RALYL: variants seen among roughly 807,000 people sequenced by gnomAD.
RALYL encodes RNA-binding Raly-like protein.
Under a neutral mutation model 35.1 loss-of-function variants are expected in RALYL, and 29 were observed. The ratio of observed to expected loss-of-function variants is 0.83; its 90% CI spans 0.61 to 1.13. The LOEUF (loss-of-function observed/expected upper bound fraction) is 1.13, where lower values mean the gene tolerates loss of function less well. Among genes scored for constraint, RALYL ranks in the 50% most tolerant of loss-of-function variants. RALYL has a pLI of 0.00. For missense variants in RALYL, 359 were observed against 360.4 expected (o/e 1.00, Z 0.03); for synonymous variants, 120 against 127.6 (o/e 0.94, Z 0.40).
At chr8:84,535,001 A>G (rs866014363) in intron 2 of RALYL, among the ~76,000 whole-genome samples, 2 of 152,228 alleles carry the variant, frequency 1.3e-5, no homozygotes, top group Admixed American at 6.5e-5. Flanking sequence ...AAAGATTTCT[A>G]TTCATGAAAA....
chr8:84,833,412 T>C (rs1176825213), intron 4 of RALYL, among the ~76,000 whole-genome samples: 1 of 151,996 alleles, frequency 6.6e-6, no homozygotes, highest in East Asian at 1.9e-4. Flanking sequence ...CCAAGGCGGC[T>C]AGATCATTTG....
intron 1 of RALYL, among the ~76,000 whole-genome samples, chr8:84,407,063 CACACAA>C (rs1165761184): frequency 1.4e-4 from 21 of 148,426 alleles, no homozygotes; most frequent in African/African-American, 5.4e-4. Context: ...CACACACACA[CACACAA>C]ACACACACAC....
chr8:84,723,238 T>C (rs753814063), intron 2 of RALYL, among the ~76,000 whole-genome samples: 4 of 151,994 alleles, frequency 2.6e-5, no homozygotes, highest in Non-Finnish European at 4.4e-5. Context: ...CAGGCCCTAC[T>C]GTGAGAAGAA....
chr8:84,543,740 T>C (rs146224006), intron 2 of RALYL, among the ~76,000 whole-genome samples: 157 of 152,178 alleles, frequency 1.0e-3, no homozygotes, highest in African/African-American at 3.6e-3. Context: ...TAGTTTCCTT[T>C]ATTTCTGATA....
intron 3 of RALYL, among the ~76,000 whole-genome samples, chr8:84,783,676 C>T (rs1818722092): frequency 6.6e-6 from 1 of 152,128 alleles, no homozygotes; most frequent in South Asian, 2.1e-4. Context: ...AAGACATTCC[C>T]AGGTCACAAA....
chr8:84,350,801 G>A (rs189951115), intron 1 of RALYL, among the ~76,000 whole-genome samples: 8 of 150,352 alleles, frequency 5.3e-5, no homozygotes, highest in Non-Finnish European at 1.2e-4. Context: ...TTAGAAGGGA[G>A]GATTTGGAGC....
intron 2 of RALYL, among the ~76,000 whole-genome samples, chr8:84,650,084 T>C (rs1271953255): frequency 1.3e-5 from 2 of 152,148 alleles, no homozygotes; most frequent in African/African-American, 4.8e-5. Context: ...TCTCTGTTTT[T>C]CTGTTATTGG....
chr8:84,830,022 G>T (rs1001076551), intron 4 of RALYL, among the ~76,000 whole-genome samples: 1,700 of 141,336 alleles, frequency 0.012, 63 homozygotes, highest in African/African-American at 0.042. Flanking sequence ...ATACTGGGGG[G>T]GGGGGGGCAT....
intron 2 of RALYL, among the ~76,000 whole-genome samples, chr8:84,599,745 A>G (rs1273561640): frequency 6.6e-6 from 1 of 152,128 alleles, no homozygotes; most frequent in East Asian, 1.9e-4. Flanking sequence ...GGATTGATTC[A>G]ATTGCATTTG....
chr8:84,292,829 CTCTG>C (rs776116809), intron 1 of RALYL, among the ~76,000 whole-genome samples: 3 of 152,168 alleles, frequency 2.0e-5, no homozygotes, highest in South Asian at 2.1e-4. Flanking sequence ...CTCAGAACTG[CTCTG>C]TCTATGGAGT....
intron 2 of RALYL, among the ~76,000 whole-genome samples, chr8:84,540,958 TTAAGC>T (rs1402996092): frequency 2.6e-5 from 4 of 151,978 alleles, no homozygotes; most frequent in Admixed American, 2.6e-4. Context: ...ATTAAGAACT[TTAAGC>T]TATGTCTTTT....
rs143124333 is a variant in RALYL, at chr8:84,223,772, C to T, written c.-24+39348C>T. Among the ~76,000 whole-genome samples, 181 of 152,204 alleles carry T rather than the reference C, an allele frequency of 1.2e-3. 1 individual carries two copies. The highest frequency in any genetic ancestry group is 4.0e-3 in the African/African-American group (165 of 41,528). ...TTTTTAAGTTTTGTGGGAAGTGGCA[C>T]ATAGTAAGTGATCAGTAAATATTTC... On this transcript the variant is annotated intron_variant, in intron 1 of 8. Coordinates refer to ENST00000521268, the MANE Select transcript of RALYL (RefSeq NM_173848.7).
chr8:84,533,894 C>A (rs915375190), intron 2 of RALYL, among the ~76,000 whole-genome samples: 9 of 152,312 alleles, frequency 5.9e-5, no homozygotes, highest in African/African-American at 2.2e-4. Context: ...AGAGAACATT[C>A]AAATGCTTGT....
At chr8:84,700,916 A>G (rs1840069396) in intron 2 of RALYL, among the ~76,000 whole-genome samples, 1 of 152,184 alleles carries the variant, frequency 6.6e-6, no homozygotes, top group Admixed American at 6.6e-5. Flanking sequence ...TTTGGTTGTT[A>G]TCCTTGAAAA....
chr8:84,343,196 A>G (rs1849177967), intron 1 of RALYL, among the ~76,000 whole-genome samples: 1 of 152,068 alleles, frequency 6.6e-6, no homozygotes, highest in South Asian at 2.1e-4. Context: ...TTTACTGTCA[A>G]TAGGTTTATA....
intron 1 of RALYL, among the ~76,000 whole-genome samples, chr8:84,450,917 T>C (rs1316204811): frequency 1.3e-5 from 2 of 152,048 alleles, no homozygotes; most frequent in African/African-American, 4.8e-5. Flanking sequence ...TACACATTTC[T>C]ACTTCATACA....
intron 1 of RALYL, among the ~76,000 whole-genome samples, chr8:84,447,425 G>T (rs1324761253): frequency 6.6e-6 from 1 of 151,874 alleles, no homozygotes; most frequent in Non-Finnish European, 1.5e-5. Context: ...TTTTGTTTCA[G>T]CATGCCATGT....
chr8:84,456,307 T>A (rs577797151), intron 1 of RALYL, among the ~76,000 whole-genome samples: 1 of 152,118 alleles, frequency 6.6e-6, no homozygotes, highest in East Asian at 1.9e-4. Context: ...AATTAACTCG[T>A]TTAACACAAC....
At chr8:84,563,631 G>GC (rs2061599377) in intron 2 of RALYL, among the ~76,000 whole-genome samples, 1 of 151,146 alleles carries the variant, frequency 6.6e-6, no homozygotes, top group South Asian at 2.1e-4. Context: ...TTTCTTTGTT[G>GC]TTTTTATGTG....
Sources: allele counts gnomAD v4.1 joint callset (sites outside exome capture counted in the v4.1 genomes callset), GRCh38; gene constraint gnomAD v4.1.1; transcripts MANE v1.5; gene names NCBI Gene and HGNC (gene_info 2026-07-23, HGNC 2026-07-21).